Variants in GTF2F2 observed in about 807,000 individuals in gnomAD.
GTF2F2 encodes the protein general transcription factor IIF subunit 2.
Under a neutral mutation model 42.2 loss-of-function variants are expected in GTF2F2, and 23 were observed. That is an observed-to-expected ratio of 0.55 (90% CI 0.39 to 0.77). GTF2F2 has a LOEUF of 0.77. GTF2F2 is among the 30% of genes least tolerant of loss of function. The pLI, the probability that GTF2F2 is intolerant of heterozygous loss-of-function variation, is 0.00. For missense variants in GTF2F2, 261 were observed against 287.2 expected, an observed-to-expected ratio of 0.91 and a Z score of 0.66; for synonymous variants, 105 against 100.8, an observed-to-expected ratio of 1.04 and a Z score of -0.25.
At chr13:45,127,934 C>T (rs9595243) in intron 1 of GTF2F2, among the ~76,000 whole-genome samples, 12,202 of 124,012 alleles carry the variant, frequency 0.098, 1,531 homozygotes, top group African/African-American at 0.3. Context: ...CCTGGCACCC[C>T]GGCCTTTTTT....
At chr13:45,221,196 C>T (rs75009845) in intron 5 of GTF2F2, among the ~76,000 whole-genome samples, 2,785 of 152,092 alleles carry the variant, frequency 0.018, 81 homozygotes, top group African/African-American at 0.059. Context: ...CCATTTTTTA[C>T]GCAGTTTCTC....
intron 5 of GTF2F2, among the ~76,000 whole-genome samples, chr13:45,235,195 GT>G (rs1224443435): frequency 6.6e-6 from 1 of 151,142 alleles, no homozygotes; most frequent in African/African-American, 2.4e-5. Context: ...ATAAATATTA[GT>G]GTTTCTGTTA....
Position 45,164,893 on chromosome 13 carries a change from T to C in GTF2F2, c.304+13062T>C, listed in dbSNP as rs1260307321. 4.6e-5 allele frequency among the ~76,000 whole-genome samples: 7 copies of C among 152,350 alleles called. No individual in the cohort carries two copies. In the East Asian group the frequency reaches 1.3e-3, roughly 29 times the overall value. On this transcript the variant is annotated intron_variant, in intron 4 of 7. Transcript: ENST00000340473. ...CACTTGAACTGTGTTCTTGATTACG[T>C]TGGTTCTGATACAAAGTGCCTAGAA...
At chr13:45,182,847 C>G (rs1055778842) in intron 4 of GTF2F2, among the ~76,000 whole-genome samples, 15 of 152,090 alleles carry the variant, frequency 9.9e-5, no homozygotes, top group Admixed American at 6.5e-4. Context: ...GCCAGTCCCC[C>G]TTTTTCTTTC....
chr13:45,132,598 A>G (rs1869422023), intron 1 of GTF2F2, among the ~76,000 whole-genome samples: 1 of 152,154 alleles, frequency 6.6e-6, no homozygotes, highest in Non-Finnish European at 1.5e-5. Flanking sequence ...GCCCTGAGTC[A>G]CAGATACTAA....
chr13:45,210,221 ACTGTC>A (rs1382230518), intron 5 of GTF2F2, among the ~76,000 whole-genome samples: 1 of 152,162 alleles, frequency 6.6e-6, no homozygotes, highest in Non-Finnish European at 1.5e-5. Context: ...TCATCCTACG[ACTGTC>A]TACACCTTCT....
At chr13:45,195,936 A>G (rs1593484660) in intron 4 of GTF2F2, among the ~76,000 whole-genome samples, 1 of 152,182 alleles carries the variant, frequency 6.6e-6, no homozygotes, top group Non-Finnish European at 1.5e-5. Flanking sequence ...GATTACAGGC[A>G]TGAGCTACTG....
intron 5 of GTF2F2, among the ~76,000 whole-genome samples, chr13:45,223,644 A>G (rs1041115323): frequency 1.3e-5 from 2 of 152,164 alleles, no homozygotes; most frequent in African/African-American, 2.4e-5. Flanking sequence ...CCTTTTTCAT[A>G]AAAAACTATT....
chr13:45,151,859 G>T, intron 4 of GTF2F2, 28 bp downstream of exon 4: 1 of 978,330 alleles, frequency 1.0e-6, no homozygotes, highest in South Asian at 2.0e-5. Context: ...TATTTAATGT[G>T]ATTCCTGTAC....
rs946710546 is a variant in GTF2F2, at chr13:45,283,848, A to C, written c.*287A>C. ...GGTTTTTCTTAAATATTAGCTTTTA[A>C]TGTGTACAATTAGGAAATTTTTTTA... is the stretch of plus-strand genomic sequence containing the variant. On this transcript the variant is annotated 3_prime_UTR_variant, in exon 8 of 8. Transcript: ENST00000340473. 1 of 168,032 alleles carries C rather than the reference A, an allele frequency of 6.0e-6. No homozygotes were observed. Among genetic ancestry groups the C allele is most frequent in the Admixed American group, 6.3e-5 (1 of 15,872 alleles). 10.4% of individuals were successfully genotyped at this position (168,032 alleles called of 1,614,324 possible). A position where few individuals can be genotyped will look rare whatever the true frequency, so the allele number is the denominator to read the frequency against.
chr13:45,223,522 C>T (rs1874205616), intron 5 of GTF2F2, among the ~76,000 whole-genome samples: 1 of 151,934 alleles, frequency 6.6e-6, no homozygotes, highest in Non-Finnish European at 1.5e-5. Flanking sequence ...ATATTGAATG[C>T]CATATGGTGT....
At chr13:45,213,839 G>A (rs1873791489) in intron 5 of GTF2F2, among the ~76,000 whole-genome samples, 1 of 152,046 alleles carries the variant, frequency 6.6e-6, no homozygotes, top group African/African-American at 2.4e-5. Context: ...TTGTATATAT[G>A]CATATTTCTG....
intron 5 of GTF2F2, among the ~76,000 whole-genome samples, chr13:45,235,670 A>G (rs1005032422): frequency 2.6e-5 from 4 of 151,522 alleles, no homozygotes; most frequent in African/African-American, 9.7e-5. Context: ...GCTCATTGCA[A>G]TTTCCGCCTC....
intron 2 of GTF2F2, among the ~76,000 whole-genome samples, chr13:45,146,622 C>G (rs560508710): frequency 9.2e-5 from 14 of 151,952 alleles, no homozygotes; most frequent in Non-Finnish European, 2.1e-4. Flanking sequence ...GTACCAAATC[C>G]AAGAAGTATT....
chr13:45,251,858 A>G (rs1229682770), intron 5 of GTF2F2, among the ~76,000 whole-genome samples: 1 of 152,144 alleles, frequency 6.6e-6, no homozygotes, highest in African/African-American at 2.4e-5. Flanking sequence ...TTATATTTTG[A>G]TATCTTGCTG....
At chr13:45,225,331 T>C (rs1447389885) in intron 5 of GTF2F2, among the ~76,000 whole-genome samples, 2 of 152,202 alleles carry the variant, frequency 1.3e-5, no homozygotes, top group Non-Finnish European at 2.9e-5. Flanking sequence ...TTGAAATCAA[T>C]CACTTAATGT....
chr13:45,213,044 TTTTA>T (rs557204553), intron 5 of GTF2F2, among the ~76,000 whole-genome samples: 3 of 151,426 alleles, frequency 2.0e-5, no homozygotes, highest in South Asian at 4.2e-4. Flanking sequence ...GCCCGGCTAA[TTTTA>T]TTTATTTATT....
chr13:45,282,474 A>G lies in GTF2F2; in HGVS notation c.631-968A>G, dbSNP rs114443413. Among the ~76,000 whole-genome samples the G allele has an allele frequency of 3.4e-3, 514 of 152,212 alleles. 1 individual carries two copies. The highest frequency in any genetic ancestry group is 0.012 in the African/African-American group (498 of 41,556). ...CCAAACACAAGGCTGCATCCCTGAT[A>G]GTTTTAGGGGATGTCTTCTTATCAC... On this transcript the variant is annotated intron_variant, in intron 7 of 7. Transcript: ENST00000340473.
At chr13:45,190,123 C>G (rs116098809) in intron 4 of GTF2F2, among the ~76,000 whole-genome samples, 76 of 152,098 alleles carry the variant, frequency 5.0e-4, no homozygotes, top group African/African-American at 1.8e-3. Context: ...GGCTGATACC[C>G]AGAATCTCCA....
Sources: allele counts gnomAD v4.1 joint callset (sites outside exome capture counted in the v4.1 genomes callset), GRCh38; gene constraint gnomAD v4.1.1; transcripts MANE v1.5; gene names NCBI Gene and HGNC (gene_info 2026-07-23, HGNC 2026-07-21).